CCDC83: variants seen among roughly 807,000 people sequenced by gnomAD.
CCDC83 encodes coiled-coil domain-containing protein 83.
Under a neutral mutation model 50.1 loss-of-function variants are expected in CCDC83, and 54 were observed. The observed-to-expected ratio is 1.08, with a 90% CI of 0.87 to 1.35. The LOEUF is 1.35. Ranked by LOEUF, CCDC83 falls within the 40% of genes most tolerant of loss-of-function variation. The pLI is 0.00. For missense variants in CCDC83, 518 were observed against 473.9 expected, an observed-to-expected ratio of 1.09 and a Z score of -0.86; for synonymous variants, 161 against 153.3, an observed-to-expected ratio of 1.05 and a Z score of -0.37.
chr11:85,914,458 G>T (rs2093468246), intron 8 of CCDC83, among the ~76,000 whole-genome samples: 1 of 152,318 alleles, frequency 6.6e-6, no homozygotes, highest in Non-Finnish European at 1.5e-5. Flanking sequence ...ATGGACATCA[G>T]TTCGCTGGGC....
chr11:85,890,191 C>A (rs1222093942), intron 5 of CCDC83, among the ~76,000 whole-genome samples: 1 of 152,168 alleles, frequency 6.6e-6, no homozygotes, highest in Non-Finnish European at 1.5e-5. Context: ...TATGACTCAT[C>A]CCTGAGAAAT....
At chr11:85,911,173 A>T in intron 7 of CCDC83, 108 bp from the exon 8 acceptor site, 1 of 992,274 alleles carries the variant, frequency 1.0e-6, no homozygotes, top group Non-Finnish European at 1.4e-6. Flanking sequence ...CTCCGTCTCA[A>T]ATAAAAAAAA....
chr11:85,902,906 A>G (rs2093408543), intron 7 of CCDC83, among the ~76,000 whole-genome samples: 1 of 152,128 alleles, frequency 6.6e-6, no homozygotes, highest in Non-Finnish European at 1.5e-5. Context: ...CATCCCAGGA[A>G]TACTGCATTT....
chr11:85,908,592 TAGATAGATAGATAGATAGAC>T (rs748915260), intron 7 of CCDC83, among the ~76,000 whole-genome samples: 4,636 of 148,974 alleles, frequency 0.031, 111 homozygotes, highest in East Asian at 0.052. Context: ...GATAGATAGA[TAGATAGATAGATAGATAGAC>T]AGATAGAATT....
At chr11:85,889,769 A>G (rs1565145751) in intron 5 of CCDC83, among the ~76,000 whole-genome samples, 2 of 152,222 alleles carry the variant, frequency 1.3e-5, no homozygotes, top group Admixed American at 6.5e-5. Flanking sequence ...GCTGCTTTAC[A>G]TGCAAGGAAG....
rs999062574 is a variant in CCDC83 at position 85,916,237 on chromosome 11, A to C, written c.1080+4A>C. ...TGAGGATGAGAAGGATTTCAAGGTA[A>C]GATTCATAACAACACAACTTTGACT... is the stretch of plus-strand genomic sequence containing the variant. On this transcript the variant is annotated splice_donor_region_variant and intron_variant, in intron 10 of 10. Coordinates refer to ENST00000342404, the MANE Select transcript of CCDC83 (RefSeq NM_001286159.2). 1.3e-6 allele frequency: 2 copies of C among 1,589,728 alleles called. No individual in the cohort carries two copies. The highest frequency in any genetic ancestry group is 2.3e-5 in the South Asian group (2 of 88,696).
chr11:85,908,002 A>C (rs2093433197), intron 7 of CCDC83, among the ~76,000 whole-genome samples: 1 of 152,180 alleles, frequency 6.6e-6, no homozygotes. Context: ...ATTTTCCTTA[A>C]GGCATTCAAG....
chr11:85,917,134 A>AAGAGAGAGAGAGAGAGAGAG (rs201907138), intron 10 of CCDC83, among the ~76,000 whole-genome samples: 23 of 77,966 alleles, frequency 3.0e-4, no homozygotes, highest in African/African-American at 1.3e-3. Context: ...AAGAAAAAGA[A>AAGAGAGAGAGAGAGAGAGAG]AGAGAGAGAG....
chr11:85,916,227 T>C lies in CCDC83; in HGVS notation c.1074T>C (p.Asp358=). Residue 358 remains aspartate (D), a synonymous_variant, in exon 10 of 11, where the codon GAT becomes GAC. Coordinates refer to ENST00000342404, the MANE Select transcript of CCDC83 (RefSeq NM_001286159.2). ...ACTTACTATATGAGGATGAGAAGGA[T>C]TTCAAGGTAAGATTCATAACAACAC... is the stretch of plus-strand genomic sequence containing the variant. ...MKYLLYEDEK[D]FKDYVNLGPL... 1.9e-6 allele frequency: 3 copies of C among 1,597,824 alleles called. No individual in the cohort carries two copies. Among genetic ancestry groups the C allele is most frequent in the Non-Finnish European group, 1.7e-6 (2 of 1,168,372 alleles).
At chr11:85,865,899 GAAA>G (rs766010816) in intron 2 of CCDC83, among the ~76,000 whole-genome samples, 3 of 109,636 alleles carry the variant, frequency 2.7e-5, no homozygotes, top group African/African-American at 3.3e-5. Context: ...GTTCCATCTC[GAAA>G]AAAAAAAAAA....
intron 10 of CCDC83, among the ~76,000 whole-genome samples, chr11:85,918,580 T>A (rs2093493540): frequency 6.6e-6 from 1 of 152,194 alleles, no homozygotes; most frequent in African/African-American, 2.4e-5. Flanking sequence ...TATCTTAGAT[T>A]TGTAAACCAA....
intron 10 of CCDC83, among the ~76,000 whole-genome samples, chr11:85,917,134 AAG>A (rs201907138): frequency 0.017 from 1,297 of 77,952 alleles, 31 homozygotes; most frequent in African/African-American, 0.039. Context: ...AAGAAAAAGA[AAG>A]AGAGAGAGAG....
At chr11:85,883,420 C>A (rs764727634) in intron 4 of CCDC83, among the ~76,000 whole-genome samples, 1 of 151,824 alleles carries the variant, frequency 6.6e-6, no homozygotes, top group Admixed American at 6.6e-5. Context: ...GGGAGCCAAG[C>A]ACCCCATTAG....
chr11:85,878,741 A>G (rs1301462482), intron 3 of CCDC83, among the ~76,000 whole-genome samples: 1 of 131,118 alleles, frequency 7.6e-6, no homozygotes, highest in Non-Finnish European at 1.6e-5. Context: ...GTTAGTTTTT[A>G]AAGAAACTTG....
chr11:85,882,585 G>A lies in CCDC83; in HGVS notation c.253G>A (p.Glu85Lys). 6.2e-7 allele frequency: 1 copy of A among 1,613,966 alleles called. No homozygotes were observed. The highest frequency in any genetic ancestry group is 8.5e-7 in the Non-Finnish European group (1 of 1,179,832). The change falls in exon 4 of 11, where the codon GAG (glutamate) becomes AAG (lysine). Residue 85 changes from glutamate (E) to lysine (K), a missense_variant. Physicochemically the swap from Glu to Lys is moderately conservative, Grantham distance 56. Coordinates refer to ENST00000342404, the MANE Select transcript of CCDC83 (RefSeq NM_001286159.2). ...AAAGGAACTGAGTGAAGAGAAGGCA[G>A]AGGGATTGCCAGTTGTAACAAGAGA... The part of the protein sequence containing the change: ...LLKELSEEKA[E>K]GLPVVTREDV...
At chr11:85,889,932 T>G (rs1592164920) in intron 5 of CCDC83, among the ~76,000 whole-genome samples, 1 of 152,174 alleles carries the variant, frequency 6.6e-6, no homozygotes, top group Non-Finnish European at 1.5e-5. Context: ...AGAAAACCAG[T>G]TTCGCACCTT....
At chr11:85,885,786 C>G (rs756929664) in intron 4 of CCDC83, among the ~76,000 whole-genome samples, 1 of 152,156 alleles carries the variant, frequency 6.6e-6, no homozygotes, top group African/African-American at 2.4e-5. Flanking sequence ...GGGAAGGACA[C>G]AAGTTGAAAT....
intron 3 of CCDC83, among the ~76,000 whole-genome samples, chr11:85,876,566 G>A (rs1365565775): frequency 5.3e-5 from 8 of 152,168 alleles, no homozygotes; most frequent in South Asian, 4.1e-4. Context: ...GTGCAGTGGC[G>A]CGATCTCTGC....
At chr11:85,917,128 AAAAGAAAGAGAGAGAGAG>A (rs2093480731) in intron 10 of CCDC83, among the ~76,000 whole-genome samples, 1 of 99,940 alleles carries the variant, frequency 1.0e-5, no homozygotes, top group African/African-American at 4.8e-5. Context: ...AGAAAAAAGA[AAAAGAAAGAGAGAGAGAG>A]AGAGAGAGAG....
Sources: gnomAD v4.1 joint callset for allele counts (sites outside exome capture counted in the v4.1 genomes callset) on GRCh38, gnomAD v4.1.1 for gene constraint, MANE v1.5 for transcripts, NCBI Gene and HGNC (gene_info 2026-07-23, HGNC 2026-07-21) for gene names.